Variants in OXCT1 observed in about 807,000 individuals in gnomAD.
OXCT1 encodes 3-oxoacid CoA-transferase 1, also known as succinyl-CoA:3-ketoacid coenzyme A transferase 1, mitochondrial.
A neutral mutation model predicts 69.6 loss-of-function variants in OXCT1; 27 were observed. The ratio of observed to expected loss-of-function variants is 0.39; its 90% CI spans 0.29 to 0.54. The LOEUF (loss-of-function observed/expected upper bound fraction) is 0.54. Among genes scored for constraint, OXCT1 ranks in the 20% least tolerant of loss-of-function variants. OXCT1 has a pLI of 0.72. For synonymous variants in OXCT1, 202 were observed against 217.8 expected (o/e 0.93, Z 0.64); for missense variants, 437 against 650.2 (o/e 0.67, Z 3.57).
chr5:41,844,898 G>C (rs1748818821), intron 5 of OXCT1, among the ~76,000 whole-genome samples: 1 of 144,104 alleles, frequency 6.9e-6, no homozygotes, highest in African/African-American at 2.6e-5. Context: ...TAACACAACA[G>C]CCTCCTAAAC....
intron 5 of OXCT1, among the ~76,000 whole-genome samples, chr5:41,847,587 CA>C (rs1748981060): frequency 6.6e-6 from 1 of 151,532 alleles, no homozygotes; most frequent in African/African-American, 2.4e-5. Flanking sequence ...CCACCATGAT[CA>C]AGTGGGCTTC....
At chr5:41,864,955 T>A (rs1003212159) in intron 1 of OXCT1, among the ~76,000 whole-genome samples, 1 of 152,142 alleles carries the variant, frequency 6.6e-6, no homozygotes, top group Admixed American at 6.5e-5. Flanking sequence ...TGCAGTAAGA[T>A]CACCCTAACT....
Position 41,731,575 on chromosome 5 carries a change from G to A in OXCT1, c.*154C>T, listed in dbSNP as rs1579615547. 8.9e-7 allele frequency: 1 copy of A among 1,119,834 alleles called. No homozygotes were observed. The highest frequency in any genetic ancestry group is 1.3e-6 in the Non-Finnish European group (1 of 783,288). The allele number at this position is 1,119,834 out of a possible 1,614,324, so 69.4% of individuals were successfully genotyped here. A position where few individuals can be genotyped will look rare whatever the true frequency, so the allele number is the denominator to read the frequency against. On this transcript the variant is annotated 3_prime_UTR_variant, in exon 17 of 17. Transcript: ENST00000196371. ...TTATTAAAATGTCACAGCATGCCTA[G>A]AGAACAGTTTATATGGCTGCATAAA...
At chr5:41,778,075 G>C (rs1035358500) in intron 13 of OXCT1, among the ~76,000 whole-genome samples, 1 of 152,194 alleles carries the variant, frequency 6.6e-6, no homozygotes, top group African/African-American at 2.4e-5. Context: ...TGAGGAGTCT[G>C]TGTCAGGCCT....
chr5:41,751,865 T>A (rs1198621017), intron 14 of OXCT1, among the ~76,000 whole-genome samples: 1 of 152,094 alleles, frequency 6.6e-6, no homozygotes, highest in Non-Finnish European at 1.5e-5. Flanking sequence ...TGGAGCTAGA[T>A]GATTCCATTC....
At chr5:41,852,171 C>G (rs1749204005) in intron 4 of OXCT1, among the ~76,000 whole-genome samples, 1 of 152,196 alleles carries the variant, frequency 6.6e-6, no homozygotes, top group African/African-American at 2.4e-5. Context: ...TTTGTTATAG[C>G]AGCCTGAGCA....
chr5:41,778,862 T>C (rs1255370720), intron 13 of OXCT1, among the ~76,000 whole-genome samples: 1 of 152,204 alleles, frequency 6.6e-6, no homozygotes, highest in Non-Finnish European at 1.5e-5. Context: ...AAGTTATAAT[T>C]TGTCTTTCTT....
intron 7 of OXCT1, among the ~76,000 whole-genome samples, chr5:41,832,560 C>T (rs116593409): frequency 0.023 from 3,528 of 152,160 alleles, 56 homozygotes; most frequent in South Asian, 0.039. Context: ...ACTAACAAGA[C>T]AAGACCACAA....
At chr5:41,858,243 C>T (rs1293197138) in intron 3 of OXCT1, among the ~76,000 whole-genome samples, 1 of 152,154 alleles carries the variant, frequency 6.6e-6, no homozygotes, top group Non-Finnish European at 1.5e-5. Flanking sequence ...TTGCCACATA[C>T]TTTACAACCC....
chr5:41,848,553 C>A (rs1749034458), intron 5 of OXCT1, among the ~76,000 whole-genome samples: 1 of 145,750 alleles, frequency 6.9e-6, no homozygotes, highest in African/African-American at 2.5e-5. Flanking sequence ...GCTACAGTAA[C>A]CAAAACAGCA....
In OXCT1 at chr5:41,731,663, G is replaced by A; in HGVS notation, c.*66C>T. 1.3e-6 allele frequency: 2 copies of A among 1,555,278 alleles called. No individual in the cohort carries two copies. Among genetic ancestry groups the A allele is most frequent in the Non-Finnish European group, 8.7e-7 (1 of 1,146,372 alleles). On this transcript the variant is annotated 3_prime_UTR_variant, in exon 17 of 17. Transcript: ENST00000196371. ...TAAATACACAATTATGATTATTGAT[G>A]TCCTTTCAATTAAATCTTGTGTGTT...
chr5:41,733,307 C>T (rs1047444088), intron 16 of OXCT1, among the ~76,000 whole-genome samples: 6 of 145,262 alleles, frequency 4.1e-5, no homozygotes, highest in South Asian at 4.3e-4. Context: ...AGTGCAATGG[C>T]GCGATCTTGG....
intron 3 of OXCT1, among the ~76,000 whole-genome samples, chr5:41,854,109 T>A (rs1749317289): frequency 6.6e-6 from 1 of 152,144 alleles, no homozygotes; most frequent in African/African-American, 2.4e-5. Flanking sequence ...TATAAATAGC[T>A]ATGAACATTT....
intron 14 of OXCT1, among the ~76,000 whole-genome samples, chr5:41,757,845 G>A (rs1036733922): frequency 2.6e-5 from 4 of 152,158 alleles, no homozygotes; most frequent in South Asian, 2.1e-4. Context: ...TAAGTTCTGC[G>A]GGCAAGGATG....
At chr5:41,752,411 T>C (rs527635235) in intron 14 of OXCT1, among the ~76,000 whole-genome samples, 23 of 152,120 alleles carry the variant, frequency 1.5e-4, no homozygotes, top group African/African-American at 5.1e-4. Context: ...TCCTTCCTCA[T>C]GAAGGGTTGT....
intron 15 of OXCT1, among the ~76,000 whole-genome samples, chr5:41,745,124 T>C (rs1379505893): frequency 1.3e-5 from 2 of 152,024 alleles, no homozygotes; most frequent in South Asian, 2.1e-4. Flanking sequence ...ACCACACCTA[T>C]TCCAAAACTG....
intron 14 of OXCT1, among the ~76,000 whole-genome samples, chr5:41,753,660 T>C (rs2112068457): frequency 6.6e-6 from 1 of 152,186 alleles, no homozygotes; most frequent in African/African-American, 2.4e-5. Flanking sequence ...CTCCTGTGCT[T>C]CCTCCTCCCT....
intron 5 of OXCT1, among the ~76,000 whole-genome samples, chr5:41,849,137 C>A (rs1349838178): frequency 6.6e-6 from 1 of 152,046 alleles, no homozygotes; most frequent in Non-Finnish European, 1.5e-5. Flanking sequence ...ATGGAAGATG[C>A]AGCTGGAGAT....
At position 41,762,560 on chromosome 5, in the gene OXCT1, T is replaced by C. The variant is rs191016346; in HGVS notation, c.1249-360A>G. On this transcript the variant is annotated intron_variant, in intron 13 of 16. Transcript: ENST00000196371. The surrounding 1 kb of genome is among the most constrained non-coding windows in gnomAD (Gnocchi z 4.0). ...AACACCCCTGACATCCACTTCTTTT[T>C]AAACACAATCAACTCTACTGAGTCT... Among the ~76,000 whole-genome samples the C allele has an allele frequency of 2.3e-3, 354 of 152,246 alleles. 2 individuals are homozygous for C. The highest frequency in any genetic ancestry group is 4.0e-3 in the Non-Finnish European group (272 of 68,000).
Sources: allele counts gnomAD v4.1 joint callset (sites outside exome capture counted in the v4.1 genomes callset), GRCh38; gene constraint gnomAD v4.1.1; non-coding constraint Gnocchi (gnomAD v3.1); transcripts MANE v1.5; gene names NCBI Gene and HGNC (gene_info 2026-07-23, HGNC 2026-07-21).